The following CARMIL1 variants were observed in gnomAD, a reference collection of about 807,000 sequenced individuals.
CARMIL1 encodes capping protein regulator and myosin 1 linker 1.
A neutral mutation model predicts 177.1 loss-of-function variants in CARMIL1; 90 were observed. That is an observed-to-expected ratio of 0.51 (90% CI 0.43 to 0.61). The LOEUF is 0.61. Among genes scored for constraint, CARMIL1 ranks in the 20% least tolerant of loss-of-function variants. The pLI, the probability that CARMIL1 is intolerant of heterozygous loss-of-function variation, is 0.00. For synonymous variants in CARMIL1, 577 were observed against 606.2 expected (o/e 0.95, Z 0.71); for missense variants, 1,380 against 1,667.0 (o/e 0.83, Z 3.00).
intron 29 of CARMIL1, chr6:25,576,955 C>G: frequency 1.0e-6 from 1 of 983,286 alleles, no homozygotes; most frequent in Non-Finnish European, 1.2e-6. Context: ...TATTTTTTTT[C>G]TTTCTTTTTG....
chr6:25,388,696 G>T (rs974610511), intron 2 of CARMIL1, among the ~76,000 whole-genome samples: 2 of 151,568 alleles, frequency 1.3e-5, no homozygotes, highest in South Asian at 2.1e-4. Context: ...AAGAGACAGG[G>T]TGTTGCTCTG....
At chr6:25,279,957 G>A (rs1053141187) in intron 1 of CARMIL1, 122 bp downstream of exon 1, 2 of 1,165,934 alleles carry the variant, frequency 1.7e-6, no homozygotes, top group African/African-American at 1.5e-5. Flanking sequence ...GGGCAGAGTG[G>A]TGTTGGGCAG....
Position 25,600,507 on chromosome 6 carries a change from G to T in CARMIL1, c.3313G>T (p.Asp1105Tyr). 1.2e-6 allele frequency: 2 copies of T among 1,614,028 alleles called. No individual in the cohort carries two copies. Among genetic ancestry groups the T allele is most frequent in the Non-Finnish European group, 1.7e-6 (2 of 1,179,898 alleles). The part of the protein sequence containing the change: ...PKGAVRSPPV[D>Y]CPRKDTKAAE... ...AGGGGCAGTCAGAAGTCCACCTGTG[G>T]ACTGTCCCAGGAAGGACACAAAGGC... The change falls in exon 33 of 37, where the codon GAC (aspartate) becomes TAC (tyrosine). Residue 1105 changes from aspartate (D) to tyrosine (Y), a missense_variant. Asp to Tyr is a radical substitution (Grantham distance 160, BLOSUM62 -3). Transcript: ENST00000329474.
At chr6:25,434,349 T>A (rs1562130365) in intron 4 of CARMIL1, among the ~76,000 whole-genome samples, 1 of 152,196 alleles carries the variant, frequency 6.6e-6, no homozygotes, top group Non-Finnish European at 1.5e-5. Flanking sequence ...TTGTACTTAT[T>A]TAGAGGACTA....
At chr6:25,584,110 CTTGAACTCTTGG>C (rs1813408650) in intron 31 of CARMIL1, among the ~76,000 whole-genome samples, 4 of 150,320 alleles carry the variant, frequency 2.7e-5, no homozygotes, top group African/African-American at 9.8e-5. Context: ...TCACTGCAGC[CTTGAACTCTTGG>C]GCTCAAGCAA....
At position 25,556,730 on chromosome 6, in the gene CARMIL1, C is replaced by T. The variant is rs762379518; in HGVS notation, c.2622C>T (p.Thr874=). The change falls in exon 29 of 37, where the codon ACC becomes ACT. Residue 874 remains threonine (T), a synonymous_variant. Transcript: ENST00000329474. The stretch of plus-strand genomic sequence containing the variant: ...ACCATTTCAGCAGACGTGGCAAGAC[C>T]CTTCCTCAACAAGAATCCTTAGAGA... ...LADHFSRRGK[T]LPQQESLEIE... 2.5e-6 allele frequency: 4 copies of T among 1,613,330 alleles called. No individual in the cohort carries two copies. In the East Asian group the frequency reaches 6.7e-5, roughly 27 times the overall value.
At chr6:25,359,944 A>G (rs1281325684) in intron 2 of CARMIL1, among the ~76,000 whole-genome samples, 4 of 152,200 alleles carry the variant, frequency 2.6e-5, no homozygotes, top group Non-Finnish European at 4.4e-5. Flanking sequence ...TATTTTTAAC[A>G]TGGCATTATT....
At position 25,576,917 on chromosome 6, in the gene CARMIL1, T is replaced by C. The variant is rs546189685; in HGVS notation, c.2743-4007T>C. The C allele has an allele frequency of 3.6e-6, 3 of 832,830 alleles. No homozygotes were observed. The Admixed American group carries it at 1.9e-4, about 52-fold the overall frequency. The allele number at this position is 832,830 out of a possible 1,614,324, so 51.6% of individuals were successfully genotyped here. On this transcript the variant is annotated intron_variant, in intron 29 of 36. Transcript: ENST00000329474. ...CCCTCTCCCTCCCCTTTCCTAGTAA[T>C]GCTGTTGCTTTATCTCTCTTCCATT...
At chr6:25,557,721 A>C (rs1423382339) in intron 29 of CARMIL1, among the ~76,000 whole-genome samples, 1 of 152,204 alleles carries the variant, frequency 6.6e-6, no homozygotes, top group Non-Finnish European at 1.5e-5. Flanking sequence ...TTGTTAAGAA[A>C]TAGTACTTGT....
At chr6:25,481,533 T>C (rs1802120752) in intron 11 of CARMIL1, among the ~76,000 whole-genome samples, 1 of 152,210 alleles carries the variant, frequency 6.6e-6, no homozygotes, top group Non-Finnish European at 1.5e-5. Flanking sequence ...GGCTCATCCA[T>C]AGCAGGAGGT....
At chr6:25,584,026 CTTTTTTTTTTT>C (rs71544648) in intron 31 of CARMIL1, among the ~76,000 whole-genome samples, 1 of 119,140 alleles carries the variant, frequency 8.4e-6, no homozygotes, top group African/African-American at 3.2e-5. Context: ...TTTTCTTTTT[CTTTTTTTTTTT>C]TTTTTTTTGA....
chr6:25,442,431 CCT>C (rs1368446817), intron 5 of CARMIL1, among the ~76,000 whole-genome samples: 1 of 151,180 alleles, frequency 6.6e-6, no homozygotes, highest in Non-Finnish European at 1.5e-5. Context: ...GACAACAAAT[CCT>C]CTGTCTTTCT....
At chr6:25,510,356 G>T in intron 18 of CARMIL1, 151 bp from the exon 19 acceptor site, 1 of 557,060 alleles carries the variant, frequency 1.8e-6, no homozygotes, top group South Asian at 2.8e-5. Context: ...AGCAAAGAGT[G>T]CCTTTGAAAA....
chr6:25,452,347 A>G (rs1005679951), intron 8 of CARMIL1: 1 of 660,364 alleles, frequency 1.5e-6, no homozygotes, highest in East Asian at 2.5e-5. Context: ...GAGAAAGAAA[A>G]AGGGAAAATA....
intron 21 of CARMIL1, 149 bp from the exon 22 acceptor site, chr6:25,517,198 T>A: frequency 1.7e-6 from 1 of 587,478 alleles, no homozygotes; most frequent in Non-Finnish European, 3.0e-6. Flanking sequence ...CCTTGTTTTG[T>A]TAGAAATGAA....
intron 23 of CARMIL1, among the ~76,000 whole-genome samples, chr6:25,523,923 A>AG (rs1806829848): frequency 6.6e-6 from 1 of 152,202 alleles, no homozygotes; most frequent in African/African-American, 2.4e-5. Flanking sequence ...AAAAACTCCT[A>AG]GGGGTCCAGT....
At chr6:25,498,743 C>G (rs1249165258) in intron 16 of CARMIL1, among the ~76,000 whole-genome samples, 1 of 152,214 alleles carries the variant, frequency 6.6e-6, no homozygotes, top group African/African-American at 2.4e-5. Flanking sequence ...TCACCCATTA[C>G]TCGCTGGGCT....
chr6:25,361,780 G>T (rs1241729651), intron 2 of CARMIL1, among the ~76,000 whole-genome samples: 1 of 152,074 alleles, frequency 6.6e-6, no homozygotes, highest in Non-Finnish European at 1.5e-5. Flanking sequence ...TGATGTTACA[G>T]GTGGCTTTAT....
chr6:25,390,237 G>A (rs1317599224), intron 2 of CARMIL1, among the ~76,000 whole-genome samples: 3 of 144,792 alleles, frequency 2.1e-5, no homozygotes, highest in Non-Finnish European at 4.5e-5. Flanking sequence ...GACATTACCT[G>A]GTAATTTTTT....
Sources: allele counts gnomAD v4.1 joint callset (sites outside exome capture counted in the v4.1 genomes callset), GRCh38; gene constraint gnomAD v4.1.1; transcripts MANE v1.5; gene names NCBI Gene and HGNC (gene_info 2026-07-23, HGNC 2026-07-21).